SLC44A3: variants seen among roughly 807,000 people sequenced by gnomAD.
SLC44A3 encodes the protein solute carrier family 44 member 3.
Under a neutral mutation model 75.4 loss-of-function variants are expected in SLC44A3, and 74 were observed. The ratio of observed to expected loss-of-function variants is 0.98; its 90% CI spans 0.81 to 1.19. The LOEUF is 1.19. SLC44A3 is among the 50% of genes most tolerant of loss of function. The pLI, the probability that SLC44A3 is intolerant of heterozygous loss-of-function variation, is 0.00. For missense variants in SLC44A3, 700 were observed against 778.6 expected (o/e 0.90, Z 1.20); for synonymous variants, 310 against 296.9 (o/e 1.04, Z -0.45).
chr1:94,857,183 T>C (rs1665979287), intron 9 of SLC44A3, 152 bp from the exon 10 acceptor site: 14 of 722,338 alleles, frequency 1.9e-5, no homozygotes, highest in Middle Eastern at 5.4e-4. Flanking sequence ...TTGATTTTGA[T>C]TTTTGTATAT....
chr1:94,830,046 A>T (rs112696646), intron 5 of SLC44A3, among the ~76,000 whole-genome samples: 1 of 152,242 alleles, frequency 6.6e-6, no homozygotes, highest in Non-Finnish European at 1.5e-5. Context: ...AAAATGCTGA[A>T]CTAGCAGGTG....
intron 8 of SLC44A3, among the ~76,000 whole-genome samples, chr1:94,842,404 A>G (rs1299635512): frequency 6.6e-6 from 1 of 152,212 alleles, no homozygotes; most frequent in Non-Finnish European, 1.5e-5. Context: ...CAAGGTGGGC[A>G]TGGTGGGTGG....
chr1:94,879,609 G>A (rs1417387909), intron 12 of SLC44A3, among the ~76,000 whole-genome samples: 2 of 151,086 alleles, frequency 1.3e-5, no homozygotes, highest in East Asian at 3.9e-4. Flanking sequence ...GGAGGCGGAG[G>A]TGGGCAGATC....
At position 94,820,544 on chromosome 1, in the gene SLC44A3, A is replaced by C. The variant is rs1210336135; in HGVS notation, c.27+66A>C. The C allele has an allele frequency of 2.1e-6, 3 of 1,458,380 alleles. No individual in the cohort carries two copies. The African/African-American group carries it at 4.4e-5, about 21-fold the overall frequency. The allele number at this position is 1,458,380 out of a possible 1,614,324, so 90.3% of individuals were successfully genotyped here. A position where few individuals can be genotyped will look rare whatever the true frequency, so the allele number is the denominator to read the frequency against. ...GGGAAGGGTCGAGTCCCCCGCCTTC[A>C]CGCACCTTCCCTGCCGGACGCTTCC... is the stretch of plus-strand genomic sequence containing the variant. On this transcript the variant is annotated intron_variant, in intron 1 of 14. Coordinates refer to ENST00000271227, the MANE Select transcript of SLC44A3 (RefSeq NM_001114106.3).
intron 9 of SLC44A3, among the ~76,000 whole-genome samples, chr1:94,854,853 C>A (rs34255918): frequency 0.087 from 13,235 of 151,830 alleles, 633 homozygotes; most frequent in East Asian, 0.12. Context: ...AGGCTTGTTG[C>A]TAACACCCTC....
At chr1:94,837,688 C>T in intron 5 of SLC44A3, 23 bp from the exon 6 acceptor site, 4 of 1,527,350 alleles carry the variant, frequency 2.6e-6, no homozygotes, top group Admixed American at 2.3e-5. Context: ...ACATTTTTGC[C>T]ATCTTTTTTT....
intron 2 of SLC44A3, among the ~76,000 whole-genome samples, chr1:94,822,159 A>G (rs1455959546): frequency 6.6e-6 from 1 of 152,130 alleles, no homozygotes; most frequent in Non-Finnish European, 1.5e-5. Context: ...ATTGTGATTT[A>G]ATGATCTGCC....
At chr1:94,827,350 G>A (rs2100940778) in intron 3 of SLC44A3, 157 bp from the exon 4 acceptor site, 1 of 853,124 alleles carries the variant, frequency 1.2e-6, no homozygotes, top group Admixed American at 2.3e-5. Context: ...ATGACCACCA[G>A]TAGGCATCAT....
At chr1:94,881,732 G>A (rs1311470308) in intron 12 of SLC44A3, among the ~76,000 whole-genome samples, 2 of 150,414 alleles carry the variant, frequency 1.3e-5, no homozygotes, top group African/African-American at 4.9e-5. Context: ...ATATTCTGCC[G>A]GGCACGTTGG....
At chr1:94,869,310 T>C (rs1271830557) in intron 12 of SLC44A3, among the ~76,000 whole-genome samples, 1 of 152,256 alleles carries the variant, frequency 6.6e-6, no homozygotes, top group African/African-American at 2.4e-5. Context: ...TGACGACTCC[T>C]TTTAAAAGCT....
intron 12 of SLC44A3, among the ~76,000 whole-genome samples, chr1:94,887,656 A>G (rs1180214874): frequency 6.6e-6 from 1 of 152,194 alleles, no homozygotes; most frequent in Non-Finnish European, 1.5e-5. Context: ...ATCTGCAGAA[A>G]AAGAAGTCCC....
intron 5 of SLC44A3, among the ~76,000 whole-genome samples, chr1:94,837,106 T>C (rs1662934409): frequency 6.6e-6 from 1 of 152,050 alleles, no homozygotes; most frequent in Non-Finnish European, 1.5e-5. Flanking sequence ...ATGACCCCAC[T>C]TGTATGTGGA....
chr1:94,826,029 G>C, intron 3 of SLC44A3: 1 of 435,446 alleles, frequency 2.3e-6, no homozygotes, highest in Non-Finnish European at 4.7e-6. Context: ...ATCAAAATGT[G>C]ATATGTATAT....
intron 13 of SLC44A3, among the ~76,000 whole-genome samples, chr1:94,892,016 A>G (rs1670274989): frequency 6.6e-6 from 1 of 152,230 alleles, no homozygotes; most frequent in South Asian, 2.1e-4. Flanking sequence ...CTTGTGAGAT[A>G]TTATTACATT....
At chr1:94,830,806 A>G (rs1026041226) in intron 5 of SLC44A3, among the ~76,000 whole-genome samples, 4 of 152,232 alleles carry the variant, frequency 2.6e-5, no homozygotes, top group Admixed American at 2.6e-4. Flanking sequence ...TTCTTACTAT[A>G]AATGGGATGG....
At chr1:94,831,524 A>C (rs1004573310) in intron 5 of SLC44A3, among the ~76,000 whole-genome samples, 3 of 152,238 alleles carry the variant, frequency 2.0e-5, no homozygotes, top group Non-Finnish European at 4.4e-5. Flanking sequence ...CTAAATATCA[A>C]GGAATTTGTG....
At chr1:94,880,832 TAAC>T (rs1319902635) in intron 12 of SLC44A3, among the ~76,000 whole-genome samples, 1 of 151,008 alleles carries the variant, frequency 6.6e-6, no homozygotes, top group African/African-American at 2.4e-5. Context: ...TGAATATACT[TAAC>T]ACTACTGAAC....
intron 14 of SLC44A3, among the ~76,000 whole-genome samples, chr1:94,894,068 C>T (rs1409217308): frequency 2.0e-5 from 3 of 151,970 alleles, no homozygotes; most frequent in African/African-American, 7.3e-5. Flanking sequence ...GCACTCCAGC[C>T]TGGGCGACAG....
intron 12 of SLC44A3, 101 bp from the exon 13 acceptor site, chr1:94,891,029 G>T: frequency 1.0e-6 from 1 of 979,728 alleles, no homozygotes; most frequent in East Asian, 2.5e-5. Flanking sequence ...AGAGAGAGTA[G>T]GTTTATTGTA....
Sources: allele counts gnomAD v4.1 joint callset (sites outside exome capture counted in the v4.1 genomes callset), GRCh38; gene constraint gnomAD v4.1.1; transcripts MANE v1.5; gene names NCBI Gene and HGNC (gene_info 2026-07-23, HGNC 2026-07-21).